Variants in USP33 observed in about 807,000 individuals in gnomAD.
The protein encoded by USP33 is ubiquitin specific peptidase 33, also known as ubiquitin carboxyl-terminal hydrolase 33.
A neutral mutation model predicts 124.2 loss-of-function variants in USP33; 46 were observed. The ratio of observed to expected loss-of-function variants is 0.37; its 90% confidence interval spans 0.29 to 0.47. USP33 has a LOEUF of 0.47. Ranked by LOEUF, USP33 falls within the 20% of genes least tolerant of loss-of-function variation. The pLI is 0.99. For synonymous variants in USP33, 350 were observed against 352.3 expected (o/e 0.99, Z 0.07); for missense variants, 851 against 1,070.6 (o/e 0.79, Z 2.86).
intron 21 of USP33, among the ~76,000 whole-genome samples, chr1:77,706,399 T>A (rs1276736682): frequency 5.3e-5 from 8 of 152,246 alleles, no homozygotes; most frequent in Non-Finnish European, 1.2e-4. Context: ...GTTTACTTAC[T>A]GAGTTGTATG....
intron 4 of USP33, 95 bp downstream of exon 4, chr1:77,740,782 G>A: frequency 1.1e-6 from 1 of 877,576 alleles, no homozygotes. Context: ...GTGCAAATTT[G>A]AATTACAACT....
chr1:77,712,202 C>T (rs1675339725), intron 20 of USP33, among the ~76,000 whole-genome samples: 1 of 152,200 alleles, frequency 6.6e-6, no homozygotes, highest in African/African-American at 2.4e-5. Context: ...GAAGGCCTCC[C>T]CTGGCCTCTC....
At position 77,697,393 on chromosome 1, in the gene USP33, C is replaced by T. The variant is rs749382743; in HGVS notation, c.2660G>A (p.Arg887Gln). The change falls in exon 24 of 24, where the codon CGA becomes CAA. Residue 887 changes from arginine to glutamine, a missense_variant. By Grantham distance (43) the Arg-to-Gln change is conservative. Transcript: ENST00000370794. ...IYGGGPEVIL[R>Q]PPVVHVDPDI... Reference sequence around the variant, plus strand: ...TGGATCAACATGAACAACCGGAGGTCGCAGGATAACTTCAGGCCCTCCACC... The same window carrying T: ...TGGATCAACATGAACAACCGGAGGTTGCAGGATAACTTCAGGCCCTCCACC... 18 of 1,613,076 alleles carry T rather than the reference C, an allele frequency of 1.1e-5. No individual in the cohort carries two copies. In the South Asian group the frequency reaches 1.4e-4, roughly 13 times the overall value.
At chr1:77,722,484 A>C in intron 12 of USP33, 1 of 209,020 alleles carries the variant, frequency 4.8e-6, no homozygotes, top group Non-Finnish European at 9.5e-6. Flanking sequence ...AAACACCCCA[A>C]ATCCAGCCAC....
chr1:77,697,386 C>A lies in USP33; in HGVS notation c.2667G>T (p.Pro889=), dbSNP rs575938642. ...GTATATCTGGATCAACATGAACAAC[C>A]GGAGGTCGCAGGATAACTTCAGGCC... ...GGGPEVILRP[P]VVHVDPDILQ... The change falls in exon 24 of 24, where the codon CCG becomes CCT. Residue 889 remains proline (P), a synonymous_variant. Coordinates refer to ENST00000370794, the MANE Select transcript of USP33 (RefSeq NM_201624.3). 6.2e-7 allele frequency: 1 copy of A among 1,612,992 alleles called. No homozygotes were observed. Among genetic ancestry groups the A allele is most frequent in the Non-Finnish European group, 8.5e-7 (1 of 1,179,772 alleles).
In USP33 at chr1:77,737,521, C is replaced by A. The variant is rs1678614009; in HGVS notation, c.352-1363G>T. On this transcript the variant is annotated intron_variant, in intron 5 of 23. Transcript: ENST00000370794. ...CAATATTTTACTATTTTGCAAATATCCTGTGGTAAACTGGATTTCAACAGC... is the reference window on the plus strand; with the variant it reads ...CAATATTTTACTATTTTGCAAATATACTGTGGTAAACTGGATTTCAACAGC... Among the ~76,000 whole-genome samples the A allele has an allele frequency of 2.6e-5, 4 of 152,098 alleles. No homozygotes were observed. The South Asian group carries it at 8.3e-4, about 31-fold the overall frequency.
intron 1 of USP33, among the ~76,000 whole-genome samples, chr1:77,757,291 T>C (rs1680888076): frequency 6.6e-6 from 1 of 152,240 alleles, no homozygotes; most frequent in Non-Finnish European, 1.5e-5. Flanking sequence ...AGAAACCACG[T>C]TTCATTCTTT....
chr1:77,703,538 C>T (rs904807605), intron 21 of USP33, among the ~76,000 whole-genome samples: 1 of 152,180 alleles, frequency 6.6e-6, no homozygotes, highest in Non-Finnish European at 1.5e-5. Context: ...GCAGGAGAAT[C>T]ACTTGAACCC....
chr1:77,697,518 T>G (rs895906774), intron 23 of USP33, 44 bp from the exon 24 acceptor site: 1 of 1,546,928 alleles, frequency 6.5e-7, no homozygotes, highest in Non-Finnish European at 8.7e-7. Flanking sequence ...ACCTATATAT[T>G]CATATTGCAA....
intron 21 of USP33, among the ~76,000 whole-genome samples, chr1:77,708,065 A>G (rs2101225262): frequency 6.6e-6 from 1 of 152,368 alleles, no homozygotes; most frequent in East Asian, 1.9e-4. Flanking sequence ...AGCTAGTTGT[A>G]TTACATCAGG....
At chr1:77,710,844 A>G (rs1033067779) in intron 21 of USP33, among the ~76,000 whole-genome samples, 1 of 152,156 alleles carries the variant, frequency 6.6e-6, no homozygotes, top group African/African-American at 2.4e-5. Context: ...CAAATTTTCA[A>G]TTGTCTTAAA....
chr1:77,720,403 CTT>C (rs1676450963), intron 15 of USP33: 1 of 985,258 alleles, frequency 1.0e-6, no homozygotes, highest in African/African-American at 1.7e-5. Flanking sequence ...TCAGCTAGGG[CTT>C]CAAGAACAAA....
At position 77,697,241 on chromosome 1, in the gene USP33, T is replaced by C. The variant is rs1056285261; in HGVS notation, c.*76A>G. On this transcript the variant is annotated 3_prime_UTR_variant, in exon 24 of 24. Transcript: ENST00000370794. ...AAAATAAAGCAAATAAACACGCTTT[T>C]AGGAATGTTTTCGCATGTGTACATG... The C allele has an allele frequency of 1.5e-6, 2 of 1,315,078 alleles. No individual in the cohort carries two copies. The highest frequency in any genetic ancestry group is 3.0e-5 in the African/African-American group (2 of 67,122). The allele number at this position is 1,315,078 out of a possible 1,614,324, so 81.5% of individuals were successfully genotyped here.
At chr1:77,702,853 CA>C (rs370148316) in intron 21 of USP33, among the ~76,000 whole-genome samples, 9 of 151,494 alleles carry the variant, frequency 5.9e-5, no homozygotes, top group African/African-American at 1.9e-4. Context: ...GAAGCACAAG[CA>C]AAAGAGGCTC....
At chr1:77,718,123 A>G in intron 16 of USP33, 76 bp from the exon 17 acceptor site, 1 of 1,266,726 alleles carries the variant, frequency 7.9e-7, no homozygotes, top group Non-Finnish European at 1.1e-6. Flanking sequence ...AAACTTAGTA[A>G]CATTTTTATT....
chr1:77,759,183 CACA>C (rs1332456869), intron 1 of USP33, among the ~76,000 whole-genome samples: 5 of 152,154 alleles, frequency 3.3e-5, no homozygotes, highest in African/African-American at 7.2e-5. Context: ...TTTTTCCGTT[CACA>C]ACAACAAACA....
intron 1 of USP33, among the ~76,000 whole-genome samples, chr1:77,744,688 T>C (rs535059656): frequency 1.6e-4 from 24 of 151,768 alleles, no homozygotes; most frequent in African/African-American, 5.6e-4. Context: ...TACTAAAAAT[T>C]TAAAAAATCA....
intron 5 of USP33, among the ~76,000 whole-genome samples, chr1:77,738,266 G>A (rs1222611174): frequency 1.3e-5 from 2 of 152,094 alleles, no homozygotes; most frequent in Non-Finnish European, 2.9e-5. Context: ...AGAAATATGT[G>A]ATTTCTATAA....
chr1:77,749,220 C>A (rs1680049964), intron 1 of USP33, among the ~76,000 whole-genome samples: 1 of 152,100 alleles, frequency 6.6e-6, no homozygotes, highest in African/African-American at 2.4e-5. Context: ...TATTCCATAT[C>A]TTTTTCTTCT....
Sources: gnomAD v4.1 joint callset for allele counts (sites outside exome capture counted in the v4.1 genomes callset) on GRCh38, gnomAD v4.1.1 for gene constraint, MANE v1.5 for transcripts, NCBI Gene and HGNC (gene_info 2026-07-23, HGNC 2026-07-21) for gene names.